RALGAPA2: variants seen among roughly 807,000 people sequenced by gnomAD.
RALGAPA2 encodes Ral GTPase activating protein catalytic subunit alpha 2, also known as ral GTPase-activating protein subunit alpha-2.
Under a neutral mutation model 230.4 loss-of-function variants are expected in RALGAPA2, and 139 were observed. The ratio of observed to expected loss-of-function variants is 0.60; its 90% confidence interval spans 0.53 to 0.69. RALGAPA2 has a LOEUF of 0.69. Among genes scored for constraint, RALGAPA2 ranks in the 30% least tolerant of loss-of-function variants. The pLI is 0.00. For missense variants in RALGAPA2, 2,163 were observed against 2,276.0 expected (o/e 0.95, Z 1.01); for synonymous variants, 847 against 837.8 (o/e 1.01, Z -0.19).
At chr20:20,484,411 C>T (rs1392936561) in intron 36 of RALGAPA2, among the ~76,000 whole-genome samples, 1 of 152,132 alleles carries the variant, frequency 6.6e-6, no homozygotes, top group African/African-American at 2.4e-5. Flanking sequence ...CACCAGCAAG[C>T]AGCACTCTCT....
In RALGAPA2 at chr20:20,619,313, A is replaced by G. The variant is rs751425247; in HGVS notation, c.1503T>C (p.Asn501=). ...MSRGCVTEEE[N]TNVKAGVQAL... is the part of the protein sequence containing the mutation. ...CCTGGACGCCGGCTTTCACATTTGT[A>G]TTTTCCTCCTCTGTCACACACCCTC... Residue 501 remains asparagine, a synonymous_variant, in exon 12 of 40, where the codon AAT becomes AAC. Transcript: ENST00000202677. 6.2e-7 allele frequency: 1 copy of G among 1,610,548 alleles called. No individual in the cohort carries two copies. The highest frequency in any genetic ancestry group is 8.5e-7 in the Non-Finnish European group (1 of 1,177,896).
At chr20:20,563,330 GAAAT>G (rs2064312145) in intron 23 of RALGAPA2, among the ~76,000 whole-genome samples, 1 of 152,158 alleles carries the variant, frequency 6.6e-6, no homozygotes, top group African/African-American at 2.4e-5. Flanking sequence ...ATTACTTTCA[GAAAT>G]AATTAGTAAC....
At chr20:20,699,695 CAT>C (rs1462275645) in intron 1 of RALGAPA2, among the ~76,000 whole-genome samples, 1 of 152,002 alleles carries the variant, frequency 6.6e-6, no homozygotes, top group Non-Finnish European at 1.5e-5. Context: ...GGCCAACAAA[CAT>C]ATAAAAAAGT....
intron 1 of RALGAPA2, among the ~76,000 whole-genome samples, chr20:20,711,535 G>A (rs6112983): frequency 2.0e-5 from 3 of 152,160 alleles, no homozygotes; most frequent in Non-Finnish European, 4.4e-5. Context: ...ACATGCAGCA[G>A]GTGACAGGAA....
intron 36 of RALGAPA2, among the ~76,000 whole-genome samples, chr20:20,489,718 C>T (rs142276304): frequency 6.6e-6 from 1 of 152,296 alleles, no homozygotes; most frequent in East Asian, 1.9e-4. Context: ...CTCTGGACAC[C>T]CATCCTCCTT....
intron 36 of RALGAPA2, among the ~76,000 whole-genome samples, chr20:20,473,626 T>TG (rs1202803219): frequency 1.3e-5 from 2 of 152,188 alleles, no homozygotes; most frequent in Admixed American, 1.3e-4. Flanking sequence ...GGATTACAGT[T>TG]GCACCACCAC....
rs377262331 is a variant in RALGAPA2 at position 20,599,980 on chromosome 20, AT to A, written c.2203+1701del. On this transcript the variant is annotated intron_variant, in intron 16 of 39. Coordinates refer to ENST00000202677, the MANE Select transcript of RALGAPA2 (RefSeq NM_020343.4). ...TTTTTAAGACTCTGTCTCAAAAAAA[AT>A]AAAAAATAAAAAAAAAATCCAATGA... 3.4e-3 allele frequency among the ~76,000 whole-genome samples: 510 copies of A among 151,544 alleles called. 2 individuals are homozygous for A. Among genetic ancestry groups the A allele is most frequent in the African/African-American group, 0.012 (476 of 41,166 alleles).
At chr20:20,595,909 G>A (rs558700126) in intron 16 of RALGAPA2, among the ~76,000 whole-genome samples, 2 of 151,856 alleles carry the variant, frequency 1.3e-5, no homozygotes, top group African/African-American at 4.8e-5. Context: ...GGCCAAGATC[G>A]CACCAGTGCA....
chr20:20,570,562 T>C (rs1460516655), intron 23 of RALGAPA2, among the ~76,000 whole-genome samples: 1 of 152,204 alleles, frequency 6.6e-6, no homozygotes, highest in African/African-American at 2.4e-5. Flanking sequence ...AGTAATAAAA[T>C]GAAATGTCTT....
intron 3 of RALGAPA2, among the ~76,000 whole-genome samples, chr20:20,675,336 T>C (rs919476850): frequency 6.6e-6 from 1 of 152,148 alleles, no homozygotes; most frequent in Non-Finnish European, 1.5e-5. Flanking sequence ...CTTGTTTTTT[T>C]TCCATAAACT....
intron 10 of RALGAPA2, among the ~76,000 whole-genome samples, chr20:20,628,487 C>T (rs1318990793): frequency 6.6e-6 from 1 of 152,126 alleles, no homozygotes; most frequent in African/African-American, 2.4e-5. Context: ...ACACGCCACA[C>T]TCCAGACCTG....
chr20:20,550,939 G>C (rs942249709), intron 23 of RALGAPA2, among the ~76,000 whole-genome samples: 2 of 152,172 alleles, frequency 1.3e-5, no homozygotes, highest in African/African-American at 4.8e-5. Context: ...TTATTTTGCT[G>C]ATCTACAGAA....
chr20:20,497,977 A>G (rs2062260058), intron 35 of RALGAPA2, among the ~76,000 whole-genome samples: 1 of 152,224 alleles, frequency 6.6e-6, no homozygotes, highest in African/African-American at 2.4e-5. Flanking sequence ...AGGGCAAAAT[A>G]TGCCTTCTTT....
intron 39 of RALGAPA2, 113 bp downstream of exon 39, chr20:20,396,582 G>T: frequency 1.0e-6 from 1 of 975,662 alleles, no homozygotes; most frequent in Non-Finnish European, 1.5e-6. Context: ...GAAGGCCCAG[G>T]AGGGCGAGGA....
Position 20,712,321 on chromosome 20 carries a change from C to T in RALGAPA2, c.106+54G>A. Reference sequence around the variant, plus strand: ...ACCCCTGCACAGAGGAGCGCCCTCCCGGCAGGTGCCCCTAACCCGGCGCCC... The same window carrying T: ...ACCCCTGCACAGAGGAGCGCCCTCCTGGCAGGTGCCCCTAACCCGGCGCCC... On this transcript the variant is annotated intron_variant, in intron 1 of 39. Transcript: ENST00000202677. This position sits in a 1 kb window ranked among gnomAD's most constrained non-coding sequence, Gnocchi z 5.5. 1 of 1,527,232 alleles carries T rather than the reference C, an allele frequency of 6.5e-7. No individual in the cohort carries two copies. The highest frequency in any genetic ancestry group is 1.4e-5 in the African/African-American group (1 of 71,898). The allele number at this position is 1,527,232 out of a possible 1,614,324, so 94.6% of individuals were successfully genotyped here. A position where few individuals can be genotyped will look rare whatever the true frequency, so the allele number is the denominator to read the frequency against.
chr20:20,511,359 T>C (rs918553035), intron 32 of RALGAPA2, 34 bp from the exon 33 acceptor site: 3 of 1,532,688 alleles, frequency 2.0e-6, no homozygotes, highest in African/African-American at 2.8e-5. Flanking sequence ...AAAAACCATG[T>C]GATTACAGAA....
intron 37 of RALGAPA2, among the ~76,000 whole-genome samples, chr20:20,429,091 C>T (rs2060449934): frequency 6.6e-6 from 1 of 152,082 alleles, no homozygotes; most frequent in Non-Finnish European, 1.5e-5. Context: ...ACTCATGAAG[C>T]TCTTTGTAGC....
chr20:20,501,629 T>G (rs1343175542), intron 35 of RALGAPA2, among the ~76,000 whole-genome samples: 1 of 152,276 alleles, frequency 6.6e-6, no homozygotes, highest in African/African-American at 2.4e-5. Context: ...ATCATTCATG[T>G]GTTCACTGGA....
rs79484850 is a variant in RALGAPA2, at chr20:20,474,816, G to C, written c.5368-1860C>G. On this transcript the variant is annotated intron_variant, in intron 36 of 39. Coordinates refer to ENST00000202677, the MANE Select transcript of RALGAPA2 (RefSeq NM_020343.4). ...AGTGATGATGTATTGGGCAGGAGTAGCTATACCATGCTAGAGTCAGGGGAA... is the reference window on the plus strand; with the variant it reads ...AGTGATGATGTATTGGGCAGGAGTACCTATACCATGCTAGAGTCAGGGGAA... Among the ~76,000 whole-genome samples the C allele has an allele frequency of 2.4e-3, 358 of 152,294 alleles. 7 individuals are homozygous for C. In the East Asian group the frequency reaches 0.061, roughly 26 times the overall value.
Sources: gnomAD v4.1 joint callset for allele counts (sites outside exome capture counted in the v4.1 genomes callset) on GRCh38, gnomAD v4.1.1 for gene constraint, Gnocchi (gnomAD v3.1) non-coding constraint, MANE v1.5 for transcripts, NCBI Gene and HGNC (gene_info 2026-07-23, HGNC 2026-07-21) for gene names.